The following ZNF362 variants were observed in gnomAD, a reference collection of about 807,000 sequenced individuals.
ZNF362 encodes rotund homolog.
ZNF362 carries 11 observed loss-of-function variants against 42.9 expected under a neutral mutation model. The ratio of observed to expected loss-of-function variants is 0.26; its 90% CI spans 0.16 to 0.42. ZNF362 has a LOEUF of 0.42. ZNF362 is among the 20% of genes least tolerant of loss of function. The pLI, the probability that ZNF362 is intolerant of heterozygous loss-of-function variation, is 1.00. For missense variants in ZNF362, 362 were observed against 576.2 expected, an observed-to-expected ratio of 0.63 and a Z score of 3.81; for synonymous variants, 255 against 257.3, an observed-to-expected ratio of 0.99 and a Z score of 0.09.
rs762133062 is a variant in ZNF362 at position 33,281,806 on chromosome 1, C to T, written c.903C>T (p.His301=). 2.5e-6 allele frequency: 4 copies of T among 1,614,128 alleles called. No individual in the cohort carries two copies. In the South Asian group the frequency reaches 3.3e-5, roughly 13 times the overall value. Residue 301 remains histidine (H), a synonymous_variant, in exon 6 of 9, where the codon CAC becomes CAT. Transcript: ENST00000539719. The surrounding 1 kb of genome is among the most constrained non-coding windows in gnomAD (Gnocchi z 4.8). ...SFRQLSHLQQ[H]TRIHTGDRPY... is the part of the protein sequence containing the mutation. Reference sequence around the variant, plus strand: ...GGCAGCTCTCCCACCTCCAGCAGCACACCAGGTGAGTGGCCTGCCTGCTGC... The same window carrying T: ...GGCAGCTCTCCCACCTCCAGCAGCATACCAGGTGAGTGGCCTGCCTGCTGC...
At chr1:33,253,592 T>G (rs1037945518), upstream of ZNF362, among the ~76,000 whole-genome samples, 1 of 152,072 alleles carries the variant, frequency 6.6e-6, no homozygotes, top group Non-Finnish European at 1.5e-5. Flanking sequence ...GGCCAGCATG[T>G]ACCCTTCCCC....
chr1:33,285,491 C>T (rs1646025729), intron 6 of ZNF362, among the ~76,000 whole-genome samples: 1 of 152,136 alleles, frequency 6.6e-6, no homozygotes, highest in Non-Finnish European at 1.5e-5. Context: ...AAAGCATTAT[C>T]ACTAATTGTT....
chr1:33,284,541 A>G (rs1646018574), intron 6 of ZNF362, among the ~76,000 whole-genome samples: 1 of 152,186 alleles, frequency 6.6e-6, no homozygotes, highest in African/African-American at 2.4e-5. Context: ...GTTGTTTTCA[A>G]TAGAATGATT....
At chr1:33,171,747 C>G in the ZNF362 span, among the ~76,000 whole-genome samples, 2 of 152,160 alleles carry the variant, frequency 1.3e-5, no homozygotes, top group African/African-American at 4.8e-5. Context: ...CCTCCCTCCA[C>G]CTTGGTTTCC....
the ZNF362 span, among the ~76,000 whole-genome samples, chr1:33,175,001 G>GTATTTATATGTATATGTA: frequency 0.18 from 24,102 of 135,434 alleles, 2,772 homozygotes; most frequent in Admixed American, 0.26. Context: ...ACACACACAT[G>GTATTTATATGTATATGTA]TATGTATATG....
At chr1:33,169,667 C>T in the ZNF362 span, among the ~76,000 whole-genome samples, 4 of 152,208 alleles carry the variant, frequency 2.6e-5, no homozygotes, top group South Asian at 2.1e-4. Context: ...TTGGTCCAGA[C>T]GTGTGCTGTT....
At chr1:33,277,786 G>T (rs6671480) in intron 4 of ZNF362, among the ~76,000 whole-genome samples, 1 of 152,164 alleles carries the variant, frequency 6.6e-6, no homozygotes, top group South Asian at 2.1e-4. Flanking sequence ...GGAAAGATGT[G>T]AGCTCAGTCT....
chr1:33,266,850 T>C lies in ZNF362; in HGVS notation c.-88-3637T>C, dbSNP rs563471715. Among the ~76,000 whole-genome samples, 29 of 152,222 alleles carry C rather than the reference T, an allele frequency of 1.9e-4. No homozygotes were observed. Among genetic ancestry groups the C allele is most frequent in the South Asian group, 1.2e-3 (6 of 4,824 alleles). ...CTGCCAAGGAGCACACCTGGTGAGATGAGTGTGGCCAGGGGACCTTCTTGG... is the reference window on the plus strand; with the variant it reads ...CTGCCAAGGAGCACACCTGGTGAGACGAGTGTGGCCAGGGGACCTTCTTGG... On this transcript the variant is annotated intron_variant, in intron 1 of 8. Coordinates refer to ENST00000539719, the MANE Select transcript of ZNF362 (RefSeq NM_152493.3). The surrounding 1 kb of genome is among the most constrained non-coding windows in gnomAD (Gnocchi z 4.3).
chr1:33,275,996 G>C (rs558203136), intron 2 of ZNF362, 104 bp from the exon 3 acceptor site: 2 of 1,317,784 alleles, frequency 1.5e-6, no homozygotes, highest in African/African-American at 1.4e-5. Context: ...CGGGGACATG[G>C]ATCCCAGACA....
chr1:33,290,294 A>G (rs1646067726), intron 6 of ZNF362, among the ~76,000 whole-genome samples: 1 of 151,978 alleles, frequency 6.6e-6, no homozygotes, highest in African/African-American at 2.4e-5. Flanking sequence ...ATTCCCACCT[A>G]TGAGTGAGAA....
the ZNF362 span, among the ~76,000 whole-genome samples, chr1:33,242,763 C>T: frequency 6.6e-6 from 1 of 152,200 alleles, no homozygotes; most frequent in African/African-American, 2.4e-5. Flanking sequence ...CTCTCTGCTC[C>T]TGGTTCAGAA....
the ZNF362 span, among the ~76,000 whole-genome samples, chr1:33,221,226 A>C: frequency 2.0e-5 from 3 of 152,190 alleles, no homozygotes; most frequent in African/African-American, 7.2e-5. Flanking sequence ...AAGAGGCTTA[A>C]GCAAACCCCA....
chr1:33,276,396 G>A lies in ZNF362; in HGVS notation c.151G>A (p.Glu51Lys), dbSNP rs1330123494. ...CAAGATCAAGGAGCAGCTGATGGCC[G>A]AGAAGATCAGGCCGCCTCACCTGCC... is the stretch of plus-strand genomic sequence containing the variant. ...INKIKEQLMA[E>K]KIRPPHLPPT... is the part of the protein sequence containing the mutation. The change falls in exon 4 of 9, where the codon GAG becomes AAG. Residue 51 changes from glutamate to lysine, a missense_variant. Around this residue, in one of 3 missense-constraint regions of ZNF362, gnomAD observed 266 missense variants for 365.4 expected, o/e 0.73. Transcript: ENST00000539719. 3 of 1,579,158 alleles carry A rather than the reference G, an allele frequency of 1.9e-6. No homozygotes were observed. Among genetic ancestry groups the A allele is most frequent in the Non-Finnish European group, 2.6e-6 (3 of 1,163,034 alleles).
intron 1 of ZNF362, among the ~76,000 whole-genome samples, chr1:33,265,590 T>A (rs981494262): frequency 1.3e-5 from 2 of 151,952 alleles, no homozygotes; most frequent in Admixed American, 1.3e-4. Flanking sequence ...GTGCAGTGGC[T>A]GGGGCTCAGG....
the ZNF362 span, among the ~76,000 whole-genome samples, chr1:33,223,251 A>G: frequency 6.6e-6 from 1 of 152,110 alleles, no homozygotes; most frequent in Non-Finnish European, 1.5e-5. Context: ...TTCTGTCTCA[A>G]AAAAACAAAA....
the ZNF362 span, among the ~76,000 whole-genome samples, chr1:33,246,415 A>G: frequency 6.6e-6 from 1 of 152,286 alleles, no homozygotes; most frequent in African/African-American, 2.4e-5. Flanking sequence ...GGTCCCCACC[A>G]GGAACACTCC....
chr1:33,229,854 C>T, the ZNF362 span, among the ~76,000 whole-genome samples: 1 of 152,142 alleles, frequency 6.6e-6, no homozygotes, highest in Non-Finnish European at 1.5e-5. Context: ...TCCATCTAGG[C>T]TTTTGCCACA....
the ZNF362 span, among the ~76,000 whole-genome samples, chr1:33,209,389 G>A: frequency 5.7e-3 from 860 of 152,034 alleles, 11 homozygotes; most frequent in African/African-American, 0.02. Flanking sequence ...CTCTTTTTTT[G>A]TTGTTGTGTC....
At chr1:33,250,883 GAA>G in the ZNF362 span, among the ~76,000 whole-genome samples, 10 of 151,960 alleles carry the variant, frequency 6.6e-5, no homozygotes, top group Non-Finnish European at 2.9e-5. Context: ...AGAAGAAGAA[GAA>G]GAAGAAGAAG....
Sources: allele counts gnomAD v4.1 joint callset (sites outside exome capture counted in the v4.1 genomes callset), GRCh38; gene constraint gnomAD v4.1.1; regional missense constraint gnomAD v4.1.1; non-coding constraint Gnocchi (gnomAD v3.1); transcripts MANE v1.5; gene names NCBI Gene and HGNC (gene_info 2026-07-23, HGNC 2026-07-21).